TAFA1: variants seen among roughly 807,000 people sequenced by gnomAD.
The protein encoded by TAFA1 is TAFA chemokine like family member 1.
In TAFA1, 4 loss-of-function variants were observed where a neutral mutation model predicts 18.5. The ratio of observed to expected loss-of-function variants is 0.22; its 90% CI spans 0.11 to 0.49. The LOEUF is 0.49. Ranked by LOEUF, TAFA1 falls within the 20% of genes least tolerant of loss-of-function variation. The pLI is 0.98. For synonymous variants in TAFA1, 56 were observed against 55.2 expected (o/e 1.01, Z -0.06); for missense variants, 147 against 169.0 (o/e 0.87, Z 0.72).
At chr3:68,010,354 A>G (rs1272028089) in intron 2 of TAFA1, among the ~76,000 whole-genome samples, 1 of 152,176 alleles carries the variant, frequency 6.6e-6, no homozygotes, top group Non-Finnish European at 1.5e-5. Flanking sequence ...GGTGAGTGGA[A>G]TTTGACGTGA....
At chr3:68,023,615 A>G (rs1264885471) in intron 2 of TAFA1, among the ~76,000 whole-genome samples, 1 of 152,134 alleles carries the variant, frequency 6.6e-6, no homozygotes, top group Non-Finnish European at 1.5e-5. Context: ...TTTCATTCTT[A>G]GATATCCAAG....
rs559708037 is a variant in TAFA1 at position 68,018,772 on chromosome 3, C to T, written c.118+12028C>T. The stretch of plus-strand genomic sequence containing the variant: ...GAGCATCTTCCCACTTTTCTAGTAA[C>T]AAAAATGTAAAAGAATATGTTAATG... On this transcript the variant is annotated intron_variant, in intron 2 of 4. Coordinates refer to ENST00000478136, the MANE Select transcript of TAFA1 (RefSeq NM_213609.4). Among the ~76,000 whole-genome samples the T allele has an allele frequency of 1.1e-3, 163 of 152,274 alleles. 1 individual carries two copies. Among genetic ancestry groups the T allele is most frequent in the African/African-American group, 3.8e-3 (160 of 41,562 alleles).
intron 2 of TAFA1, among the ~76,000 whole-genome samples, chr3:68,391,876 G>T (rs983619693): frequency 1.3e-5 from 2 of 152,002 alleles, no homozygotes; most frequent in African/African-American, 4.8e-5. Context: ...ACATGGAAAG[G>T]AAAAATCAGT....
Position 68,426,105 on chromosome 3 carries a change from A to G in TAFA1, c.259+8685A>G, listed in dbSNP as rs146988850. Among the ~76,000 whole-genome samples the G allele has an allele frequency of 5.1e-4, 78 of 152,042 alleles. 3 individuals carry two copies. The highest frequency in any genetic ancestry group is 3.5e-3 in the Admixed American group (53 of 15,232). On this transcript the variant is annotated intron_variant, in intron 3 of 4. Coordinates refer to ENST00000478136, the MANE Select transcript of TAFA1 (RefSeq NM_213609.4). ...ATACTCTTTAATCAAAGTAATATAT[A>G]TAATCTGTTGTGAATATAAAAGTAT...
chr3:68,151,148 C>T (rs2065802192), intron 2 of TAFA1, among the ~76,000 whole-genome samples: 2 of 152,110 alleles, frequency 1.3e-5, no homozygotes, highest in African/African-American at 4.8e-5. Flanking sequence ...ATTCCCTCTA[C>T]ACCTTTCACC....
chr3:68,334,011 G>A (rs547632615), intron 2 of TAFA1, among the ~76,000 whole-genome samples: 3 of 152,330 alleles, frequency 2.0e-5, no homozygotes, highest in Admixed American at 2.0e-4. Flanking sequence ...TGGGAGAAAT[G>A]GGGAGATCTT....
chr3:68,094,638 G>C (rs537150901), intron 2 of TAFA1, among the ~76,000 whole-genome samples: 1 of 152,254 alleles, frequency 6.6e-6, no homozygotes, highest in South Asian at 2.1e-4. Context: ...AGTTCTCATG[G>C]AAGGATAGAA....
intron 2 of TAFA1, among the ~76,000 whole-genome samples, chr3:68,097,663 G>T (rs1464729974): frequency 4.6e-5 from 7 of 152,136 alleles, no homozygotes; most frequent in Admixed American, 2.0e-4. Context: ...GGTAAGGCAG[G>T]ATATTTTGTC....
At chr3:68,239,246 G>A (rs9880798) in intron 2 of TAFA1, among the ~76,000 whole-genome samples, 38,678 of 151,950 alleles carry the variant, frequency 0.25, 5,267 homozygotes, top group Admixed American at 0.33. Context: ...ATGTATTATG[G>A]AAGAAAGTAA....
chr3:68,428,734 A>C (rs1054663476), intron 3 of TAFA1, among the ~76,000 whole-genome samples: 1 of 151,968 alleles, frequency 6.6e-6, no homozygotes, highest in Non-Finnish European at 1.5e-5. Context: ...TTATTGGACT[A>C]TCAATTTATA....
intron 2 of TAFA1, among the ~76,000 whole-genome samples, chr3:68,151,526 C>T (rs1017671643): frequency 1.3e-5 from 2 of 152,086 alleles, no homozygotes; most frequent in African/African-American, 4.8e-5. Context: ...TATCAAGGTT[C>T]CAGGCAAGGG....
At chr3:68,230,508 A>T (rs1156584661) in intron 2 of TAFA1, among the ~76,000 whole-genome samples, 1 of 152,008 alleles carries the variant, frequency 6.6e-6, no homozygotes, top group Non-Finnish European at 1.5e-5. Flanking sequence ...CATTTTCTTT[A>T]TTCATTCATC....
intron 2 of TAFA1, among the ~76,000 whole-genome samples, chr3:68,076,755 C>G (rs1432746143): frequency 6.6e-6 from 1 of 152,274 alleles, no homozygotes; most frequent in African/African-American, 2.4e-5. Flanking sequence ...GTGAATAATG[C>G]CGCAATAAAC....
At chr3:68,533,571 T>C (rs2073223649) in intron 3 of TAFA1, among the ~76,000 whole-genome samples, 1 of 152,172 alleles carries the variant, frequency 6.6e-6, no homozygotes, top group Admixed American at 6.5e-5. Flanking sequence ...AACAGTAAAG[T>C]ATGGATTCGC....
chr3:68,153,052 G>A (rs2106924789), intron 2 of TAFA1, among the ~76,000 whole-genome samples: 1 of 152,296 alleles, frequency 6.6e-6, no homozygotes, highest in Non-Finnish European at 1.5e-5. Context: ...GGGAATGGAT[G>A]TTGGGCAGAC....
rs147161727 is a variant in TAFA1, at chr3:68,033,561, A to T, written c.118+26817A>T. 4.9e-4 allele frequency among the ~76,000 whole-genome samples: 74 copies of T among 152,338 alleles called. 1 individual carries two copies. In the East Asian group the frequency reaches 0.012, roughly 25 times the overall value. ...ATCCAATTTCAATGCCTCCTCTGAG[A>T]GCATTGTACTTTTATATGCATGTAA... On this transcript the variant is annotated intron_variant, in intron 2 of 4. Transcript: ENST00000478136.
intron 2 of TAFA1, among the ~76,000 whole-genome samples, chr3:68,242,351 C>T (rs372217795): frequency 6.6e-6 from 1 of 152,100 alleles, no homozygotes; most frequent in Non-Finnish European, 1.5e-5. Flanking sequence ...AATAAATATT[C>T]GTAGACTTTT....
At chr3:68,338,482 AT>A (rs1286482371) in intron 2 of TAFA1, among the ~76,000 whole-genome samples, 1 of 152,184 alleles carries the variant, frequency 6.6e-6, no homozygotes, top group Non-Finnish European at 1.5e-5. Context: ...CACAGATATC[AT>A]TTTTTGAGCT....
At chr3:68,127,719 A>G (rs1346015538) in intron 2 of TAFA1, among the ~76,000 whole-genome samples, 1 of 53,382 alleles carries the variant, frequency 1.9e-5, no homozygotes. Context: ...TGCTGATGGC[A>G]GTGGTGGTGG....
Sources: gnomAD v4.1 joint callset for allele counts (sites outside exome capture counted in the v4.1 genomes callset) on GRCh38, gnomAD v4.1.1 for gene constraint, MANE v1.5 for transcripts, NCBI Gene and HGNC (gene_info 2026-07-23, HGNC 2026-07-21) for gene names.